PTPRB: variants seen among roughly 807,000 people sequenced by gnomAD.
The protein encoded by PTPRB is receptor-type tyrosine-protein phosphatase beta.
A neutral mutation model predicts 238.1 loss-of-function variants in PTPRB; 97 were observed. That is an observed-to-expected ratio of 0.41 (90% CI 0.35 to 0.48). The LOEUF (loss-of-function observed/expected upper bound fraction) is 0.48, where lower values mean the gene tolerates loss of function less well. PTPRB is among the 20% of genes least tolerant of loss of function. The pLI is 0.30. For missense variants in PTPRB, 2,292 were observed against 2,681.9 expected (o/e 0.85, Z 3.21); for synonymous variants, 970 against 995.4 (o/e 0.97, Z 0.48).
At position 70,622,564 on chromosome 12, in the gene PTPRB, T is replaced by C; in HGVS notation, c.534A>G (p.Pro178=). The change falls in exon 3 of 34, where the codon CCA becomes CCG. Residue 178 remains proline, a synonymous_variant. Transcript: ENST00000334414. ...TCCTAATAAGGAATACCAGGCCATC[T>C]GGAACTGCATTAAAGGTAGTGAGAA... ...PQILTTFNAV[P]DGLVFLIRNT... 1.2e-6 allele frequency: 2 copies of C among 1,601,524 alleles called. No individual in the cohort carries two copies. The highest frequency in any genetic ancestry group is 8.5e-7 in the Non-Finnish European group (1 of 1,173,348).
chr12:70,596,239 T>A lies in PTPRB; in HGVS notation c.1068A>T (p.Lys356Asn). Residue 356 changes from lysine (K) to asparagine (N), a missense_variant, in exon 5 of 34, where the codon AAA becomes AAT. Physicochemically the swap from Lys to Asn is moderately conservative, Grantham distance 94. Around this residue, in one of 4 missense-constraint regions of PTPRB, gnomAD observed 1,205 missense variants for 1,287.8 expected, o/e 0.94. Transcript: ENST00000334414. ...ATAATTGCACCTCATATGAGGTGACTTTTCCGGAAGAAGGAGTCCACCAAA... is the reference window on the plus strand; with the variant it reads ...ATAATTGCACCTCATATGAGGTGACATTTCCGGAAGAAGGAGTCCACCAAA... ...LHVWWTPSSG[K>N]VTSYEVQLFD... 1.2e-6 allele frequency: 2 copies of A among 1,613,414 alleles called. No homozygotes were observed. The highest frequency in any genetic ancestry group is 1.1e-5 in the South Asian group (1 of 91,014).
chr12:70,564,230 G>A (rs1206099599), intron 15 of PTPRB, among the ~76,000 whole-genome samples: 2 of 152,114 alleles, frequency 1.3e-5, no homozygotes, highest in Non-Finnish European at 2.9e-5. Flanking sequence ...TGTAAGTCCC[G>A]ACCAGGTGCA....
In PTPRB at chr12:70,571,882, G is replaced by A. The variant is rs34796346; in HGVS notation, c.3048C>T (p.Val1016=). The change falls in exon 12 of 34, where the codon GTC becomes GTT. Residue 1016 remains valine (V), a synonymous_variant. Coordinates refer to ENST00000334414, the MANE Select transcript of PTPRB (RefSeq NM_001109754.4). ...VQLVPGRLYS[V]TVTTKSGQYE... The stretch of plus-strand genomic sequence containing the variant: ...ATTGTCCACTTTTTGTAGTAACAGT[G>A]ACACTGTACAACCGTCCAGGGACTA... 3.5e-3 allele frequency: 5,585 copies of A among 1,613,884 alleles called. 125 individuals carry two copies. The African/African-American group carries it at 0.058, about 17-fold the overall frequency.
chr12:70,626,036 A>C (rs924814781), intron 2 of PTPRB, among the ~76,000 whole-genome samples: 3 of 152,002 alleles, frequency 2.0e-5, no homozygotes, highest in Non-Finnish European at 2.9e-5. Context: ...ATAATAACAG[A>C]AATAAAAATT....
chr12:70,596,561 C>T (rs1192461195), intron 4 of PTPRB, among the ~76,000 whole-genome samples: 4 of 150,226 alleles, frequency 2.7e-5, no homozygotes, highest in Non-Finnish European at 4.4e-5. Flanking sequence ...ATATGAATTC[C>T]TTTTTCTACT....
intron 3 of PTPRB, among the ~76,000 whole-genome samples, chr12:70,610,902 A>C (rs1884410328): frequency 6.6e-6 from 1 of 152,184 alleles, no homozygotes; most frequent in African/African-American, 2.4e-5. Context: ...AAAAAATGGC[A>C]TTTATTCAGC....
chr12:70,618,957 A>G (rs1884796733), intron 3 of PTPRB, among the ~76,000 whole-genome samples: 1 of 152,110 alleles, frequency 6.6e-6, no homozygotes, highest in African/African-American at 2.4e-5. Flanking sequence ...GACCCCTCAC[A>G]CTGGCAGGTA....
At chr12:70,540,740 G>A in intron 23 of PTPRB, 118 bp downstream of exon 23, 2 of 755,776 alleles carry the variant, frequency 2.6e-6, no homozygotes, top group Non-Finnish European at 4.3e-6. Flanking sequence ...AGAAAACAGT[G>A]ACAATTTAAC....
intron 3 of PTPRB, among the ~76,000 whole-genome samples, chr12:70,610,703 C>T (rs942597119): frequency 6.6e-6 from 1 of 152,094 alleles, no homozygotes; most frequent in African/African-American, 2.4e-5. Context: ...TTTGTATCCT[C>T]CCTAAATCTT....
intron 3 of PTPRB, among the ~76,000 whole-genome samples, chr12:70,619,846 C>T (rs1322043475): frequency 2.6e-5 from 4 of 152,184 alleles, no homozygotes; most frequent in Non-Finnish European, 5.9e-5. Flanking sequence ...CATCCTCTGT[C>T]GAGACAGAGT....
At chr12:70,581,360 A>C in intron 9 of PTPRB, 58 bp from the exon 10 acceptor site, 1 of 1,498,778 alleles carries the variant, frequency 6.7e-7, no homozygotes, top group African/African-American at 1.4e-5. Context: ...AGAAAGTGTA[A>C]GAAAAATGAG....
At chr12:70,553,108 C>A in intron 20 of PTPRB, 88 bp from the exon 21 acceptor site, 5 of 1,427,162 alleles carry the variant, frequency 3.5e-6, no homozygotes, top group Non-Finnish European at 4.8e-6. Flanking sequence ...AAGGCTGCCT[C>A]CACATCCACT....
intron 10 of PTPRB, among the ~76,000 whole-genome samples, chr12:70,580,326 T>C (rs1881241269): frequency 6.6e-6 from 1 of 152,218 alleles, no homozygotes; most frequent in Admixed American, 6.5e-5. Context: ...CTAACCATAT[T>C]AATTGGAGAT....
chr12:70,522,113 A>G (rs1871721430), intron 33 of PTPRB, among the ~76,000 whole-genome samples: 2 of 152,228 alleles, frequency 1.3e-5, no homozygotes, highest in African/African-American at 2.4e-5. Context: ...TGTGCTTTAC[A>G]GATGCTAACT....
chr12:70,578,950 C>T (rs747207699), intron 10 of PTPRB, among the ~76,000 whole-genome samples: 29 of 152,150 alleles, frequency 1.9e-4, no homozygotes, highest in Non-Finnish European at 3.5e-4. Flanking sequence ...TGAGTTGTAC[C>T]CCTCCCCAAC....
Position 70,587,164 on chromosome 12 carries a change from G to A in PTPRB, c.2154C>T (p.Ser718=), listed in dbSNP as rs369998105. 1.9e-5 allele frequency: 30 copies of A among 1,613,562 alleles called. No individual in the cohort carries two copies. The highest frequency in any genetic ancestry group is 2.5e-5 in the Non-Finnish European group (29 of 1,179,690). The part of the protein sequence containing the change: ...PVAEWEKYII[S]LADRDLLLIH... The stretch of plus-strand genomic sequence containing the variant: ...TCAGTAAGAGGTCTCTGTCAGCTAG[G>A]GAAATGATGTATTTCTCCCATTCTG... Residue 718 remains serine (S), a synonymous_variant, in exon 9 of 34, where the codon TCC becomes TCT. Transcript: ENST00000334414.
At position 70,592,495 on chromosome 12, in the gene PTPRB, A is replaced by T. The variant is rs751075486; in HGVS notation, c.1567T>A (p.Ser523Thr). 9.6e-5 allele frequency: 155 copies of T among 1,613,694 alleles called. No individual in the cohort carries two copies. The highest frequency in any genetic ancestry group is 1.5e-4 in the Admixed American group (9 of 59,978). Residue 523 changes from serine to threonine, a missense_variant, in exon 7 of 34, where the codon TCT (serine) becomes ACT (threonine). Ser to Thr is a moderately conservative substitution (Grantham distance 58). This residue lies in a region of PTPRB where 1,205 missense variants were observed against 1,287.8 expected (regional missense o/e 0.94). Coordinates refer to ENST00000334414, the MANE Select transcript of PTPRB (RefSeq NM_001109754.4). ...LKVTNDGSLT[S>T]LKVKWQRPPG... Reference sequence around the variant, plus strand: ...GGTCTTTGCCATTTGACTTTTAGAGAGGTCAAACTGCCATCATTTGTCACC... The same window carrying T: ...GGTCTTTGCCATTTGACTTTTAGAGTGGTCAAACTGCCATCATTTGTCACC...
At position 70,576,405 on chromosome 12, in the gene PTPRB, T is replaced by C. The variant is rs751969890; in HGVS notation, c.2819A>G (p.His940Arg). The stretch of plus-strand genomic sequence containing the variant: ...ACCTGTCCGCTCTTGGCTGAAGGAG[T>C]GATTTTCATACTTGCCACTCCTTGT... The part of the protein sequence containing the change: ...ITTRSGKYEN[H>R]SFSQERTVPD... Residue 940 changes from histidine (H) to arginine (R), a missense_variant, in exon 11 of 34, where the codon CAC becomes CGC. This residue lies in a region of PTPRB where 1,205 missense variants were observed against 1,287.8 expected (regional missense o/e 0.94). Transcript: ENST00000334414. 1.2e-6 allele frequency: 2 copies of C among 1,611,208 alleles called. No homozygotes were observed. Among genetic ancestry groups the C allele is most frequent in the Non-Finnish European group, 1.7e-6 (2 of 1,179,048 alleles).
At chr12:70,552,183 A>C (rs376050687) in intron 21 of PTPRB, among the ~76,000 whole-genome samples, 10 of 152,228 alleles carry the variant, frequency 6.6e-5, no homozygotes, top group African/African-American at 2.4e-4. Flanking sequence ...TTGGACTCAT[A>C]TTTAGAAAGT....
Sources: gnomAD v4.1 joint callset for allele counts (sites outside exome capture counted in the v4.1 genomes callset) on GRCh38, gnomAD v4.1.1 for gene constraint, gnomAD v4.1.1 regional missense constraint, MANE v1.5 for transcripts, NCBI Gene and HGNC (gene_info 2026-07-23, HGNC 2026-07-21) for gene names.